The following MGAT4C variants were observed in gnomAD, a reference collection of about 807,000 sequenced individuals.
MGAT4C encodes MGAT4 family member C, also known as alpha-1,3-mannosyl-glycoprotein 4-beta-N-acetylglucosaminyltransferase C.
MGAT4C carries 19 observed loss-of-function variants against 40.1 expected under a neutral mutation model. The observed-to-expected ratio is 0.47, with a 90% confidence interval of 0.33 to 0.70. The LOEUF is 0.70. Ranked by LOEUF, MGAT4C falls within the 30% of genes least tolerant of loss-of-function variation. The pLI is 0.02. For missense variants in MGAT4C, 491 were observed against 563.2 expected, an observed-to-expected ratio of 0.87 and a Z score of 1.30; for synonymous variants, 181 against 187.1, an observed-to-expected ratio of 0.97 and a Z score of 0.27.
intron 1 of MGAT4C, among the ~76,000 whole-genome samples, chr12:86,220,294 T>C (rs1021463163): frequency 5.9e-5 from 9 of 152,276 alleles, no homozygotes; most frequent in Non-Finnish European, 1.0e-4. Flanking sequence ...CCTTTCCTTT[T>C]TCTCCTGTGT....
At chr12:86,673,268 A>C (rs1964307513) in intron 2 of MGAT4C, among the ~76,000 whole-genome samples, 1 of 152,220 alleles carries the variant, frequency 6.6e-6, no homozygotes. Context: ...TCATCTTTAA[A>C]ATGGAGATAT....
chr12:86,753,737 A>G (rs1023253189), intron 1 of MGAT4C, among the ~76,000 whole-genome samples: 1 of 152,150 alleles, frequency 6.6e-6, no homozygotes, highest in African/African-American at 2.4e-5. Context: ...AAAGATATGA[A>G]TAGAAAATAG....
At chr12:86,250,268 T>C (rs1228865893) in intron 1 of MGAT4C, among the ~76,000 whole-genome samples, 1 of 151,826 alleles carries the variant, frequency 6.6e-6, no homozygotes, top group Non-Finnish European at 1.5e-5. Flanking sequence ...TGAGGTAGTA[T>C]TAAGTACATG....
intron 3 of MGAT4C, among the ~76,000 whole-genome samples, chr12:86,358,224 A>C (rs1566318507): frequency 6.6e-6 from 1 of 152,212 alleles, no homozygotes. Context: ...ATATCCAGCC[A>C]AACTAAGCTT....
At chr12:86,160,865 T>C (rs930798026) in intron 1 of MGAT4C, among the ~76,000 whole-genome samples, 2 of 152,088 alleles carry the variant, frequency 1.3e-5, no homozygotes, top group African/African-American at 4.8e-5. Flanking sequence ...TGGTTTGAAG[T>C]CTGATTCATC....
intron 2 of MGAT4C, among the ~76,000 whole-genome samples, chr12:86,516,103 AG>A (rs1213672982): frequency 6.6e-6 from 1 of 152,146 alleles, no homozygotes; most frequent in Non-Finnish European, 1.5e-5. Context: ...GAAACTGAAA[AG>A]CAGATTCTAA....
intron 2 of MGAT4C, among the ~76,000 whole-genome samples, chr12:86,016,913 T>A (rs1889138255): frequency 6.6e-6 from 1 of 151,732 alleles, no homozygotes; most frequent in African/African-American, 2.4e-5. Context: ...TTCTCTCATT[T>A]TAAAAATTAA....
intron 2 of MGAT4C, among the ~76,000 whole-genome samples, chr12:86,688,026 G>C (rs530394918): frequency 6.6e-6 from 1 of 152,188 alleles, no homozygotes; most frequent in East Asian, 1.9e-4. Context: ...CCTGTACTGG[G>C]TGCATATTTA....
chr12:86,578,772 C>T (rs1257787178), intron 2 of MGAT4C, among the ~76,000 whole-genome samples: 2 of 151,404 alleles, frequency 1.3e-5, no homozygotes, highest in East Asian at 1.9e-4. Context: ...TCTGGCTAAA[C>T]GTTTGTCAAT....
chr12:86,500,018 A>G (rs539868191), intron 2 of MGAT4C, among the ~76,000 whole-genome samples: 1 of 151,998 alleles, frequency 6.6e-6, no homozygotes, highest in South Asian at 2.1e-4. Context: ...GCATTCTTTC[A>G]ACATATCAAA....
At chr12:86,737,135 C>T (rs1950998811) in intron 1 of MGAT4C, among the ~76,000 whole-genome samples, 1 of 151,058 alleles carries the variant, frequency 6.6e-6, no homozygotes, top group Admixed American at 6.6e-5. Flanking sequence ...ATGGCTGCTT[C>T]GCTTGATTCC....
intron 1 of MGAT4C, among the ~76,000 whole-genome samples, chr12:86,178,305 A>T (rs989021316): frequency 2.0e-5 from 3 of 152,238 alleles, no homozygotes; most frequent in Non-Finnish European, 4.4e-5. Context: ...AATAAAATGA[A>T]ATTATAGTAA....
At chr12:86,783,657 T>G (rs992330088) in intron 1 of MGAT4C, among the ~76,000 whole-genome samples, 9 of 152,162 alleles carry the variant, frequency 5.9e-5, no homozygotes, top group Non-Finnish European at 1.3e-4. Flanking sequence ...GATCCTGAAG[T>G]TTTGTATTTT....
In MGAT4C at chr12:86,305,061, A is replaced by T. The variant is rs2136143734; in HGVS notation, c.-57+29004T>A. 2.7e-5 allele frequency among the ~76,000 whole-genome samples: 4 copies of T among 150,874 alleles called. No individual in the cohort carries two copies. The South Asian group carries it at 8.3e-4, about 31-fold the overall frequency. On this transcript the variant is annotated intron_variant, in intron 4 of 7. Transcript: ENST00000548651. ...GATATCTGGTCTTTATCAAAAATAA[A>T]TGTAGTTTTAATTCTGATTTAAATT...
At position 86,766,253 on chromosome 12, in the gene MGAT4C, G is replaced by C. The variant is rs1448394692; in HGVS notation, c.-261-39012C>G. ...ATAAAACAGACTTTAAACCAACAAA[G>C]ATCAAAAGAGACAAAGAAGGCCATT... is the stretch of plus-strand genomic sequence containing the variant. On this transcript the variant is annotated intron_variant, in intron 1 of 7. Coordinates refer to the MGAT4C transcript ENST00000548651. Among the ~76,000 whole-genome samples, 9 of 151,942 alleles carry C rather than the reference G, an allele frequency of 5.9e-5. No homozygotes were observed. The East Asian group carries it at 1.6e-3, about 26-fold the overall frequency.
intron 2 of MGAT4C, among the ~76,000 whole-genome samples, chr12:86,532,547 A>T (rs371131032): frequency 6.6e-6 from 1 of 151,950 alleles, no homozygotes; most frequent in African/African-American, 2.4e-5. Context: ...AAAAGGCAAA[A>T]AGGCATTCAA....
chr12:86,807,947 A>G (rs1952392003), intron 1 of MGAT4C, among the ~76,000 whole-genome samples: 1 of 151,888 alleles, frequency 6.6e-6, no homozygotes, highest in Admixed American at 6.6e-5. Context: ...ATGTCTGTTA[A>G]TATCTTTGCC....
At chr12:86,813,232 A>G (rs1029023638) in intron 1 of MGAT4C, among the ~76,000 whole-genome samples, 1 of 139,506 alleles carries the variant, frequency 7.2e-6, no homozygotes, top group Admixed American at 7.1e-5. Flanking sequence ...CATCTTGAAA[A>G]TAGTAATTTT....
chr12:86,578,918 G>C (rs772668350), intron 2 of MGAT4C, among the ~76,000 whole-genome samples: 2 of 150,936 alleles, frequency 1.3e-5, no homozygotes, highest in Non-Finnish European at 3.0e-5. Context: ...TAGTTATATA[G>C]TGACCTTGTC....
Sources: gnomAD v4.1 joint callset for allele counts (sites outside exome capture counted in the v4.1 genomes callset) on GRCh38, gnomAD v4.1.1 for gene constraint, MANE v1.5 for transcripts, NCBI Gene and HGNC (gene_info 2026-07-23, HGNC 2026-07-21) for gene names.